MYH14: variants seen among roughly 807,000 people sequenced by gnomAD.
MYH14 encodes myosin heavy chain 14, also known as myosin-14.
Under a neutral mutation model 255.5 loss-of-function variants are expected in MYH14, and 123 were observed. The observed-to-expected ratio is 0.48, with a 90% confidence interval of 0.42 to 0.56. MYH14 has a LOEUF of 0.56. Ranked by LOEUF, MYH14 falls within the 20% of genes least tolerant of loss-of-function variation. The probability of loss-of-function intolerance (pLI) is 0.00; values close to 1 mark genes in which losing one functional copy is unlikely to be tolerated. For missense variants in MYH14, 2,423 were observed against 2,802.3 expected, an observed-to-expected ratio of 0.86 and a Z score of 3.06; for synonymous variants, 1,095 against 1,161.2, an observed-to-expected ratio of 0.94 and a Z score of 1.16.
chr19:50,227,268 T>A lies in MYH14; in HGVS notation c.874+302T>A, dbSNP rs549969818. ...GACAGTGAAATGACATAGAGCAGTA[T>A]AAGCAAAGGGAAAAGGCACGTGGGG... On this transcript the variant is annotated intron_variant, in intron 8 of 42. Transcript: ENST00000642316. Among the ~76,000 whole-genome samples the A allele has an allele frequency of 4.6e-5, 7 of 152,026 alleles. No homozygotes were observed. In the East Asian group the frequency reaches 1.4e-3, roughly 29 times the overall value.
At chr19:50,222,554 T>C (rs983016555) in intron 3 of MYH14, among the ~76,000 whole-genome samples, 2 of 150,194 alleles carry the variant, frequency 1.3e-5, no homozygotes, top group African/African-American at 4.9e-5. Context: ...TGCTGATCGG[T>C]ATTTGATTGT....
intron 19 of MYH14, among the ~76,000 whole-genome samples, chr19:50,260,253 C>G (rs1047521380): frequency 6.6e-6 from 1 of 152,112 alleles, no homozygotes; most frequent in Non-Finnish European, 1.5e-5. Flanking sequence ...TGGAGAAACC[C>G]CATCTCTACT....
rs994461728 is a variant in MYH14 at position 50,252,570 on chromosome 19, G to A, written c.1831-69G>A. On this transcript the variant is annotated intron_variant, in intron 15 of 42. Coordinates refer to ENST00000642316, the MANE Select transcript of MYH14 (RefSeq NM_001145809.2). The surrounding 1 kb of genome is among the most constrained non-coding windows in gnomAD (Gnocchi z 4.2). Reference sequence around the variant, plus strand: ...CTGGGAGTCTCAGAGCTTCTGGAAGGCTCCTTAGGAAATCCAGAGAATGTC... The same window carrying A: ...CTGGGAGTCTCAGAGCTTCTGGAAGACTCCTTAGGAAATCCAGAGAATGTC... The A allele has an allele frequency of 2.8e-6, 3 of 1,088,702 alleles. No homozygotes were observed. Among genetic ancestry groups the A allele is most frequent in the African/African-American group, 1.6e-5 (1 of 64,074 alleles). The allele number at this position is 1,088,702 out of a possible 1,614,324, so 67.4% of individuals were successfully genotyped here. A position where few individuals can be genotyped will look rare whatever the true frequency, so the allele number is the denominator to read the frequency against.
At position 50,247,162 on chromosome 19, in the gene MYH14, C is replaced by T. The variant is rs607227; in HGVS notation, c.1329+40C>T. On this transcript the variant is annotated intron_variant, in intron 12 of 42. Coordinates refer to ENST00000642316, the MANE Select transcript of MYH14 (RefSeq NM_001145809.2). ...CGGTGGGCAGGCACAGAAAGAGCCG[C>T]GCACCCCGGCCCTGGGTCTTTAAAC... 0.79 allele frequency: 1,151,996 copies of T among 1,450,318 alleles called. 459,506 individuals are homozygous for T. The highest frequency in any genetic ancestry group is 0.81 in the Non-Finnish European group (846,397 of 1,039,920). 89.8% of individuals were successfully genotyped at this position (1,450,318 alleles called of 1,614,324 possible). A position where few individuals can be genotyped will look rare whatever the true frequency, so the allele number is the denominator to read the frequency against.
chr19:50,210,096 C>CAAAAAAAAAAAA (rs71180680), intron 1 of MYH14, among the ~76,000 whole-genome samples: 4 of 59,630 alleles, frequency 6.7e-5, no homozygotes, highest in African/African-American at 2.4e-4. Context: ...GACTCCGTCT[C>CAAAAAAAAAAAA]AAAAAAAAAA....
chr19:50,246,270 A>G (rs2034121826), intron 11 of MYH14, among the ~76,000 whole-genome samples: 1 of 151,680 alleles, frequency 6.6e-6, no homozygotes, highest in Non-Finnish European at 1.5e-5. Context: ...CCTCCCAAGT[A>G]TCTGGGATTA....
At chr19:50,301,150 T>C (rs2036468697) in intron 39 of MYH14, among the ~76,000 whole-genome samples, 1 of 152,232 alleles carries the variant, frequency 6.6e-6, no homozygotes, top group Admixed American at 6.5e-5. Flanking sequence ...ACGTAGCAGC[T>C]ACTGTTTATT....
intron 34 of MYH14, among the ~76,000 whole-genome samples, chr19:50,288,513 G>A (rs896428211): frequency 6.6e-6 from 1 of 152,198 alleles, no homozygotes; most frequent in African/African-American, 2.4e-5. Context: ...ATGTTGATGG[G>A]AGAAAGTTTG....
chr19:50,268,173 C>T lies in MYH14; in HGVS notation c.2839C>T (p.Arg947Cys), dbSNP rs757658628. Residue 947 changes from arginine (R) to cysteine (C), a missense_variant, in exon 24 of 43, where the codon CGC becomes TGC. Around this residue, in one of 3 missense-constraint regions of MYH14, gnomAD observed 1,513 missense variants for 1,674.8 expected, o/e 0.90. Coordinates refer to ENST00000642316, the MANE Select transcript of MYH14 (RefSeq NM_001145809.2). ...QGRVAQLEEE[R>C]ARLAEQLRAE... ...ACACACTCCCCAGCTGGAAGAGGAG[C>T]GCGCCCGCCTGGCAGAGCAATTGCG... is the stretch of plus-strand genomic sequence containing the variant. The T allele has an allele frequency of 2.0e-5, 31 of 1,546,174 alleles. No homozygotes were observed. Among genetic ancestry groups the T allele is most frequent in the Admixed American group, 5.9e-5 (3 of 51,036 alleles).
chr19:50,273,601 G>GTGTGT lies in MYH14; in HGVS notation c.3467+870_3467+871insTGTGT, dbSNP rs1555772397. 5.8e-3 allele frequency among the ~76,000 whole-genome samples: 795 copies of GTGTGT among 137,570 alleles called. 8 individuals are homozygous for GTGTGT. The highest frequency in any genetic ancestry group is 0.017 in the African/African-American group (648 of 37,174). The allele number at this position is 137,570 out of a possible 152,430, so 90.3% of individuals were successfully genotyped here. On this transcript the variant is annotated intron_variant, in intron 27 of 42. Transcript: ENST00000642316. ...ATCTTAGAGTTGATGGAACATGGGG[G>GTGTGT]GTGTGTGTGTGTGTGTGTGTGTGTG... is the stretch of plus-strand genomic sequence containing the variant.
chr19:50,241,281 A>G (rs2033881601), intron 10 of MYH14, among the ~76,000 whole-genome samples: 1 of 152,134 alleles, frequency 6.6e-6, no homozygotes, highest in Admixed American at 6.6e-5. Flanking sequence ...CTAAAAATAC[A>G]AAAATTAGCT....
chr19:50,220,821 G>A (rs568270749), intron 3 of MYH14, among the ~76,000 whole-genome samples: 1 of 152,234 alleles, frequency 6.6e-6, no homozygotes, highest in East Asian at 1.9e-4. Flanking sequence ...CCAAAGTGCT[G>A]GGATTACAGG....
chr19:50,304,304 T>C (rs2036585821), intron 40 of MYH14, among the ~76,000 whole-genome samples: 1 of 152,192 alleles, frequency 6.6e-6, no homozygotes, highest in African/African-American at 2.4e-5. Context: ...GAGTGTACTG[T>C]TGGGGCCAGG....
intron 39 of MYH14, among the ~76,000 whole-genome samples, chr19:50,296,732 A>G (rs907444646): frequency 6.6e-6 from 1 of 152,248 alleles, no homozygotes; most frequent in Non-Finnish European, 1.5e-5. Flanking sequence ...TTAGCAGGAA[A>G]GATAGTATAG....
chr19:50,205,164 T>G (rs1211845234), intron 1 of MYH14, among the ~76,000 whole-genome samples: 2 of 152,184 alleles, frequency 1.3e-5, no homozygotes, highest in Non-Finnish European at 2.9e-5. Context: ...CGTCGTTTTA[T>G]TAATTTCACT....
intron 26 of MYH14, 98 bp downstream of exon 26, chr19:50,272,070 A>G (rs1241021125): frequency 2.7e-6 from 4 of 1,502,870 alleles, no homozygotes; most frequent in African/African-American, 1.4e-5. Flanking sequence ...TGTGTCTGCT[A>G]AATGGGATAG....
intron 2 of MYH14, among the ~76,000 whole-genome samples, chr19:50,212,105 C>T (rs1447260603): frequency 6.6e-6 from 1 of 152,206 alleles, no homozygotes; most frequent in East Asian, 1.9e-4. Context: ...TTTTAAAACT[C>T]TTTACAGCAA....
At chr19:50,246,074 C>T (rs2034107610) in intron 11 of MYH14, among the ~76,000 whole-genome samples, 1 of 145,690 alleles carries the variant, frequency 6.9e-6, no homozygotes, top group East Asian at 2.1e-4. Context: ...TAGAACTCTA[C>T]TGGGATTCCC....
chr19:50,232,880 C>T (rs1225959750), intron 10 of MYH14, among the ~76,000 whole-genome samples: 4 of 152,132 alleles, frequency 2.6e-5, no homozygotes, highest in South Asian at 2.1e-4. Flanking sequence ...GAGTCTCAAA[C>T]GCCAGCCTAG....
Sources: allele counts gnomAD v4.1 joint callset (sites outside exome capture counted in the v4.1 genomes callset), GRCh38; gene constraint gnomAD v4.1.1; regional missense constraint gnomAD v4.1.1; non-coding constraint Gnocchi (gnomAD v3.1); transcripts MANE v1.5; gene names NCBI Gene and HGNC (gene_info 2026-07-23, HGNC 2026-07-21).